Variants in ACBD3 observed in about 807,000 individuals in gnomAD.
ACBD3 encodes Golgi resident protein GCP60.
In ACBD3, 30 loss-of-function variants were observed where a neutral mutation model predicts 66.9. The ratio of observed to expected loss-of-function variants is 0.45; its 90% CI spans 0.34 to 0.61. The LOEUF (loss-of-function observed/expected upper bound fraction) is 0.61. Among genes scored for constraint, ACBD3 ranks in the 20% least tolerant of loss-of-function variants. ACBD3 has a pLI of 0.02. For missense variants in ACBD3, 544 were observed against 664.5 expected (o/e 0.82, Z 1.99); for synonymous variants, 278 against 259.8 (o/e 1.07, Z -0.68).
chr1:226,182,865 T>C (rs1656203060), intron 1 of ACBD3, among the ~76,000 whole-genome samples: 2 of 152,334 alleles, frequency 1.3e-5, no homozygotes, highest in South Asian at 4.1e-4. Flanking sequence ...GATAACGTAC[T>C]ATTCATTTAT....
In ACBD3 at chr1:226,186,691, C is replaced by T. The variant is rs1414945744; in HGVS notation, c.-16G>A. On this transcript the variant is annotated 5_prime_UTR_variant, in exon 1 of 8. Transcript: ENST00000366812. The stretch of plus-strand genomic sequence containing the variant: ...CCGCCGCCATCTCCGGCTGCTGCAC[C>T]TCCTCAGCGGGGACAGACGGCAGCC... 1.4e-6 allele frequency: 2 copies of T among 1,481,458 alleles called. No homozygotes were observed. Among genetic ancestry groups the T allele is most frequent in the Non-Finnish European group, 8.9e-7 (1 of 1,121,232 alleles). The allele number at this position is 1,481,458 out of a possible 1,614,324, so 91.8% of individuals were successfully genotyped here. A position where few individuals can be genotyped will look rare whatever the true frequency, so the allele number is the denominator to read the frequency against.
At chr1:226,173,157 A>G (rs2102787045) in intron 1 of ACBD3, among the ~76,000 whole-genome samples, 1 of 152,212 alleles carries the variant, frequency 6.6e-6, no homozygotes, top group East Asian at 1.9e-4. Flanking sequence ...CCACAGTCCC[A>G]GCTACTAGGG....
Position 226,186,683 on chromosome 1 carries a change from T to A in ACBD3, c.-8A>T, listed in dbSNP as rs1656327255. 6.7e-7 allele frequency: 1 copy of A among 1,492,354 alleles called. No homozygotes were observed. The highest frequency in any genetic ancestry group is 1.3e-5 in the South Asian group (1 of 80,000). The allele number at this position is 1,492,354 out of a possible 1,614,324, so 92.4% of individuals were successfully genotyped here. On this transcript the variant is annotated 5_prime_UTR_variant, in exon 1 of 8. Coordinates refer to ENST00000366812, the MANE Select transcript of ACBD3 (RefSeq NM_022735.4). Reference sequence around the variant, plus strand: ...GTTCAGCACCGCCGCCATCTCCGGCTGCTGCACCTCCTCAGCGGGGACAGA... The same window carrying A: ...GTTCAGCACCGCCGCCATCTCCGGCAGCTGCACCTCCTCAGCGGGGACAGA...
chr1:226,146,682 G>A lies in ACBD3; in HGVS notation c.1515C>T (p.Leu505=). The change falls in exon 8 of 8, where the codon CTC becomes CTT. Residue 505 remains leucine (L), a synonymous_variant. Transcript: ENST00000366812. ...AAGAGTAGGAGTTGTCAAACTTGAG[G>A]AGATAGACTCCTCTCCCTGGATATT... ...SHQYPGRGVY[L]LKFDNSYSLW... 6.2e-7 allele frequency: 1 copy of A among 1,613,906 alleles called. No homozygotes were observed. Among genetic ancestry groups the A allele is most frequent in the Non-Finnish European group, 8.5e-7 (1 of 1,179,990 alleles).
intron 4 of ACBD3, among the ~76,000 whole-genome samples, chr1:226,160,209 A>G (rs902957862): frequency 7.9e-5 from 12 of 151,646 alleles, no homozygotes; most frequent in African/African-American, 2.7e-4. Context: ...CTCCTGCCTC[A>G]GCCTCCCAAG....
chr1:226,160,341 G>A (rs899864489), intron 4 of ACBD3, among the ~76,000 whole-genome samples: 5 of 151,878 alleles, frequency 3.3e-5, no homozygotes, highest in African/African-American at 7.3e-5. Flanking sequence ...TGATCCGCCC[G>A]CCTCGGCCTC....
At chr1:226,153,202 G>C (rs1024419451) in intron 6 of ACBD3, among the ~76,000 whole-genome samples, 1 of 151,946 alleles carries the variant, frequency 6.6e-6, no homozygotes, top group East Asian at 1.9e-4. Context: ...TATGCAATAA[G>C]TTTTTCAAAG....
intron 7 of ACBD3, among the ~76,000 whole-genome samples, chr1:226,148,851 T>C (rs1659508277): frequency 6.6e-6 from 1 of 152,212 alleles, no homozygotes; most frequent in Non-Finnish European, 1.5e-5. Context: ...GAGCTAAATC[T>C]TTAAATGGGA....
chr1:226,159,283 C>A lies in ACBD3; in HGVS notation c.804G>T (p.Gly268=). The A allele has an allele frequency of 6.2e-7, 1 of 1,614,132 alleles. No homozygotes were observed. The highest frequency in any genetic ancestry group is 8.5e-7 in the Non-Finnish European group (1 of 1,180,020). The change falls in exon 5 of 8, where the codon GGG becomes GGT. Residue 268 remains glycine, a synonymous_variant. Transcript: ENST00000366812. ...TGAGAATTTGCTGCTGTTCGTAGTT[C>A]CCTGGATACTGTTGGGCTGCATACT... ...FQQYAAQQYP[G]NYEQQQILIR... is the part of the protein sequence containing the mutation.
chr1:226,178,930 A>T (rs528476212), intron 1 of ACBD3, among the ~76,000 whole-genome samples: 1 of 152,224 alleles, frequency 6.6e-6, no homozygotes, highest in Non-Finnish European at 1.5e-5. Context: ...GTATCTCTCA[A>T]CTCCATCCAC....
At chr1:226,171,519 G>T (rs774703224) in intron 1 of ACBD3, among the ~76,000 whole-genome samples, 10 of 151,874 alleles carry the variant, frequency 6.6e-5, no homozygotes, top group Non-Finnish European at 1.3e-4. Flanking sequence ...AAAATACAGT[G>T]CAAACTTAAA....
chr1:226,154,973 T>C (rs1337270075), intron 5 of ACBD3, 140 bp from the exon 6 acceptor site: 4 of 530,428 alleles, frequency 7.5e-6, no homozygotes, highest in Non-Finnish European at 1.2e-5. Context: ...TTTTATCAGT[T>C]TTTATCCTGT....
At chr1:226,162,084 G>T (rs989317806) in intron 3 of ACBD3, among the ~76,000 whole-genome samples, 4 of 152,156 alleles carry the variant, frequency 2.6e-5, no homozygotes, top group Non-Finnish European at 5.9e-5. Flanking sequence ...TAAACTAGAT[G>T]CTCCATAGGG....
intron 1 of ACBD3, among the ~76,000 whole-genome samples, chr1:226,167,513 T>C (rs1157715184): frequency 6.6e-6 from 1 of 152,176 alleles, no homozygotes; most frequent in East Asian, 1.9e-4. Context: ...GTTTGACCAA[T>C]AAAGACTAAC....
intron 1 of ACBD3, among the ~76,000 whole-genome samples, chr1:226,180,891 C>T (rs1008245958): frequency 6.6e-6 from 1 of 151,168 alleles, no homozygotes. Context: ...CCCAGCTACT[C>T]GGGAGGCTGA....
At position 226,146,003 on chromosome 1, in the gene ACBD3, TAA is replaced by T. The variant is rs1404041988; in HGVS notation, c.*605_*606del. ...TCAATTAGTTTTGAACATTCTAGTT[TAA>T]GATTATCTCAGAAAATAATTCTCTG... On this transcript the variant is annotated 3_prime_UTR_variant, in exon 8 of 8. Transcript: ENST00000366812. The T allele has an allele frequency of 1.3e-5, 2 of 152,106 alleles. No individual in the cohort carries two copies. The highest frequency in any genetic ancestry group is 4.9e-5 in the African/African-American group (2 of 41,078). The allele number at this position is 152,106 out of a possible 1,614,324, so 9.4% of individuals were successfully genotyped here. A position where few individuals can be genotyped will look rare whatever the true frequency, so the allele number is the denominator to read the frequency against.
At chr1:226,168,420 A>G (rs1260486833) in intron 1 of ACBD3, among the ~76,000 whole-genome samples, 2 of 152,192 alleles carry the variant, frequency 1.3e-5, no homozygotes, top group African/African-American at 2.4e-5. Context: ...TCTCAAATAT[A>G]TAAAAGGAGG....
In ACBD3 at chr1:226,149,529, CTTTTTTTTTTTTTTTTT is replaced by C. The variant is rs1170130229; in HGVS notation, c.1376-2725_1376-2709del. 7.8e-4 allele frequency among the ~76,000 whole-genome samples: 23 copies of C among 29,612 alleles called. 1 individual carries two copies. The East Asian group carries it at 0.024, about 31-fold the overall frequency. 19.4% of individuals were successfully genotyped at this position (29,612 alleles called of 152,430 possible). The stretch of plus-strand genomic sequence containing the variant: ...GGTGTCAGCCACTGCGCCCAGCCAT[CTTTTTTTTTTTTTTTTT>C]TTTTTTTTTTTTGAGATGGGGTCTG... On this transcript the variant is annotated intron_variant, in intron 7 of 7. Transcript: ENST00000366812.
At chr1:226,177,419 T>C (rs1405959629) in intron 1 of ACBD3, among the ~76,000 whole-genome samples, 1 of 150,092 alleles carries the variant, frequency 6.7e-6, no homozygotes, top group African/African-American at 2.5e-5. Flanking sequence ...ATGGTCTCCA[T>C]CTCCTGAACT....
Sources: gnomAD v4.1 joint callset for allele counts (sites outside exome capture counted in the v4.1 genomes callset) on GRCh38, gnomAD v4.1.1 for gene constraint, MANE v1.5 for transcripts, NCBI Gene and HGNC (gene_info 2026-07-23, HGNC 2026-07-21) for gene names.